Variants in METTL15 observed in about 807,000 individuals in gnomAD.
METTL15 encodes the protein methyltransferase 15, mitochondrial 12S rRNA N4-cytidine.
A neutral mutation model predicts 38.3 loss-of-function variants in METTL15; 34 were observed. That is an observed-to-expected ratio of 0.89 (90% confidence interval 0.68 to 1.18). The LOEUF (loss-of-function observed/expected upper bound fraction) is 1.18, where lower values mean the gene tolerates loss of function less well. Among genes scored for constraint, METTL15 ranks in the 50% most tolerant of loss-of-function variants. METTL15 has a pLI of 0.00. For missense variants in METTL15, 438 were observed against 498.4 expected (o/e 0.88, Z 1.15); for synonymous variants, 162 against 170.9 (o/e 0.95, Z 0.41).
intron 5 of METTL15, among the ~76,000 whole-genome samples, chr11:28,295,700 G>A (rs1048462760): frequency 2.9e-4 from 44 of 152,144 alleles, no homozygotes; most frequent in African/African-American, 9.9e-4. Flanking sequence ...CGGGGGATAA[G>A]CCAAAGACAG....
intron 5 of METTL15, among the ~76,000 whole-genome samples, chr11:28,371,841 T>G (rs1249243836): frequency 6.6e-6 from 1 of 152,118 alleles, no homozygotes; most frequent in African/African-American, 2.4e-5. Context: ...TATATTGATT[T>G]TGTTTACTGC....
intron 6 of METTL15, among the ~76,000 whole-genome samples, chr11:28,514,909 G>A (rs1327470205): frequency 2.0e-5 from 3 of 152,204 alleles, no homozygotes; most frequent in Non-Finnish European, 2.9e-5. Context: ...ACAGAGGTTT[G>A]GCCATAGAGG....
rs549136980 is a variant in METTL15, at chr11:28,114,913, T to A, written c.270+1309T>A. Among the ~76,000 whole-genome samples, 4 of 152,326 alleles carry A rather than the reference T, an allele frequency of 2.6e-5. No homozygotes were observed. In the South Asian group the frequency reaches 6.2e-4, roughly 24 times the overall value. On this transcript the variant is annotated intron_variant, in intron 3 of 6. Transcript: ENST00000407364. ...TCTTAAAAGAAAAAGAACATTACACTGGCTGAGTGGTTAGGGTATGAAAAC... is the reference window on the plus strand; with the variant it reads ...TCTTAAAAGAAAAAGAACATTACACAGGCTGAGTGGTTAGGGTATGAAAAC...
At chr11:28,355,289 T>C (rs1195662938) in intron 4 of METTL15, among the ~76,000 whole-genome samples, 1 of 152,228 alleles carries the variant, frequency 6.6e-6, no homozygotes, top group African/African-American at 2.4e-5. Flanking sequence ...ATTAATACAT[T>C]TCAATAAATA....
intron 6 of METTL15, among the ~76,000 whole-genome samples, chr11:28,493,688 A>G (rs912619835): frequency 6.6e-6 from 1 of 152,142 alleles, no homozygotes; most frequent in African/African-American, 2.4e-5. Context: ...TTTTCTAAGG[A>G]TTAGTTGTTC....
intron 6 of METTL15, among the ~76,000 whole-genome samples, chr11:28,298,998 ACAGT>A (rs1198024294): frequency 4.6e-5 from 7 of 152,154 alleles, no homozygotes; most frequent in Non-Finnish European, 1.0e-4. Flanking sequence ...AATAGATTAA[ACAGT>A]CAGGGAACTG....
At chr11:28,433,212 CTCATTTGTTGTCAA>C (rs1850951405) in intron 6 of METTL15, among the ~76,000 whole-genome samples, 1 of 143,498 alleles carries the variant, frequency 7.0e-6, no homozygotes, top group African/African-American at 2.5e-5. Context: ...TATTCTCTTA[CTCATTTGTTGTCAA>C]TTTATCCTTT....
chr11:28,515,009 G>T (rs1851707495), intron 6 of METTL15, among the ~76,000 whole-genome samples: 1 of 152,152 alleles, frequency 6.6e-6, no homozygotes. Flanking sequence ...AAGAAATAAT[G>T]ATATCTATGT....
intron 3 of METTL15, among the ~76,000 whole-genome samples, chr11:28,130,954 C>G (rs1852745311): frequency 6.6e-6 from 1 of 152,150 alleles, no homozygotes; most frequent in African/African-American, 2.4e-5. Context: ...CATGAATAGA[C>G]ACTGTAAGTC....
intron 6 of METTL15, among the ~76,000 whole-genome samples, chr11:28,465,560 C>G (rs967363618): frequency 6.6e-6 from 1 of 152,170 alleles, no homozygotes; most frequent in Admixed American, 6.5e-5. Flanking sequence ...CCCAAACCTG[C>G]TCTGCATCCT....
intron 5 of METTL15, among the ~76,000 whole-genome samples, chr11:28,384,573 G>A (rs565284482): frequency 6.5e-4 from 99 of 152,100 alleles, no homozygotes; most frequent in African/African-American, 2.2e-3. Flanking sequence ...GCCTCCCAAC[G>A]TGCTGTGGTT....
At chr11:28,294,952 G>C (rs888806598) in intron 5 of METTL15, among the ~76,000 whole-genome samples, 4 of 151,890 alleles carry the variant, frequency 2.6e-5, no homozygotes, top group Non-Finnish European at 4.4e-5. Context: ...ATCCATACTC[G>C]TCATAATATT....
chr11:28,119,163 C>T (rs1248044383), intron 3 of METTL15, among the ~76,000 whole-genome samples: 2 of 152,130 alleles, frequency 1.3e-5, no homozygotes, highest in Admixed American at 6.6e-5. Flanking sequence ...ATGTACTTTT[C>T]TTCATAGCAA....
chr11:28,389,009 A>G (rs902885593), intron 5 of METTL15, among the ~76,000 whole-genome samples: 2 of 151,904 alleles, frequency 1.3e-5, no homozygotes, highest in Non-Finnish European at 2.9e-5. Context: ...AAGGACATGA[A>G]CTCATCCTTT....
At position 28,291,324 on chromosome 11, in the gene METTL15, G is replaced by A. The variant is rs142437813; in HGVS notation, c.599+927G>A. On this transcript the variant is annotated intron_variant, in intron 5 of 6. Coordinates refer to ENST00000407364, the MANE Select transcript of METTL15 (RefSeq NM_001113528.2). ...GCCTCCCAAAATGCTGGGATTATAG[G>A]CGTGAGCCACCATTACCGGCCAACA... Among the ~76,000 whole-genome samples, 7 of 152,176 alleles carry A rather than the reference G, an allele frequency of 4.6e-5. No individual in the cohort carries two copies. The East Asian group carries it at 1.4e-3, about 30-fold the overall frequency.
intron 3 of METTL15, among the ~76,000 whole-genome samples, chr11:28,139,215 C>G (rs758337484): frequency 4.6e-5 from 7 of 152,056 alleles, no homozygotes; most frequent in Non-Finnish European, 8.8e-5. Flanking sequence ...TATGGGGACA[C>G]AATTACCCAT....
intron 6 of METTL15, among the ~76,000 whole-genome samples, chr11:28,310,917 G>GCTGCTGCTGCTGCTGCTGCTGCTGCTGC (rs1565244277): frequency 1.8e-5 from 1 of 55,272 alleles, no homozygotes; most frequent in Admixed American, 2.3e-4. Context: ...GCTGCTGCTG[G>GCTGCTGCTGCTGCTGCTGCTGCTGCTGC]TGGTGGTGGT....
chr11:28,197,870 G>T lies in METTL15; in HGVS notation c.271-13192G>T, dbSNP rs531594784. On this transcript the variant is annotated intron_variant, in intron 3 of 6. Coordinates refer to ENST00000407364, the MANE Select transcript of METTL15 (RefSeq NM_001113528.2). ...TTAATTTAATTATTGCTTATGAGAAGAATTTAATATTAGAACCATGTTGAA... is the reference window on the plus strand; with the variant it reads ...TTAATTTAATTATTGCTTATGAGAATAATTTAATATTAGAACCATGTTGAA... Among the ~76,000 whole-genome samples, 3 of 152,052 alleles carry T rather than the reference G, an allele frequency of 2.0e-5. No homozygotes were observed. In the East Asian group the frequency reaches 5.8e-4, roughly 29 times the overall value.
At chr11:28,405,231 A>C (rs969689260) in intron 5 of METTL15, among the ~76,000 whole-genome samples, 1 of 152,176 alleles carries the variant, frequency 6.6e-6, no homozygotes, top group Non-Finnish European at 1.5e-5. Flanking sequence ...TGATGAGATT[A>C]AGTTCACAGT....
Sources: allele counts gnomAD v4.1 joint callset (sites outside exome capture counted in the v4.1 genomes callset), GRCh38; gene constraint gnomAD v4.1.1; transcripts MANE v1.5; gene names NCBI Gene and HGNC (gene_info 2026-07-23, HGNC 2026-07-21).